The following ME3 variants were observed in gnomAD, a reference collection of about 807,000 sequenced individuals.
The protein encoded by ME3 is NADP-dependent malic enzyme, mitochondrial.
Under a neutral mutation model 68.9 loss-of-function variants are expected in ME3, and 48 were observed. The ratio of observed to expected loss-of-function variants is 0.70; its 90% CI spans 0.55 to 0.89. The LOEUF (loss-of-function observed/expected upper bound fraction) is 0.89. Ranked by LOEUF, ME3 falls within the 40% of genes least tolerant of loss-of-function variation. The pLI is 0.00. For synonymous variants in ME3, 320 were observed against 318.8 expected, an observed-to-expected ratio of 1.00 and a Z score of -0.04; for missense variants, 675 against 797.4, an observed-to-expected ratio of 0.85 and a Z score of 1.85.
chr11:86,469,306 A>C (rs929908764), intron 7 of ME3, among the ~76,000 whole-genome samples: 1 of 152,232 alleles, frequency 6.6e-6, no homozygotes. Flanking sequence ...CTACAAGTCC[A>C]GAGCAGGGAG....
intron 2 of ME3, among the ~76,000 whole-genome samples, chr11:86,635,502 C>T (rs974109532): frequency 6.6e-6 from 1 of 152,210 alleles, no homozygotes; most frequent in Middle Eastern, 3.2e-3. Flanking sequence ...GTATTGGAAA[C>T]TAACTTACTC....
At chr11:86,602,191 A>T (rs1395772846) in intron 2 of ME3, among the ~76,000 whole-genome samples, 1 of 150,434 alleles carries the variant, frequency 6.6e-6, no homozygotes, top group Non-Finnish European at 1.5e-5. Context: ...ACATGATTGT[A>T]TATCTAGAAA....
intron 6 of ME3, among the ~76,000 whole-genome samples, chr11:86,490,304 C>G (rs1487829963): frequency 6.6e-6 from 1 of 152,166 alleles, no homozygotes; most frequent in Non-Finnish European, 1.5e-5. Context: ...CTCTCTCACT[C>G]TCCTAATCCC....
chr11:86,476,649 C>T (rs747778135), intron 7 of ME3, among the ~76,000 whole-genome samples: 45 of 152,262 alleles, frequency 3.0e-4, no homozygotes, highest in South Asian at 1.0e-3. Flanking sequence ...CAGGAACACA[C>T]GGACCATACT....
At chr11:86,664,858 T>C (rs575031734) in intron 2 of ME3, among the ~76,000 whole-genome samples, 1 of 152,340 alleles carries the variant, frequency 6.6e-6, no homozygotes, top group African/African-American at 2.4e-5. Flanking sequence ...TTCCCTGGGC[T>C]CTGCTTAAAG....
intron 2 of ME3, among the ~76,000 whole-genome samples, chr11:86,640,842 T>C (rs1258778138): frequency 6.6e-6 from 1 of 152,140 alleles, no homozygotes; most frequent in Non-Finnish European, 1.5e-5. Context: ...TGTTTCCCCA[T>C]TGATATACAC....
chr11:86,465,794 AGTT>A (rs374486660), intron 7 of ME3, among the ~76,000 whole-genome samples: 111 of 152,308 alleles, frequency 7.3e-4, no homozygotes, highest in Non-Finnish European at 1.2e-3. Flanking sequence ...ATCTTGGTGA[AGTT>A]GTTCTCCAAC....
intron 4 of ME3, among the ~76,000 whole-genome samples, chr11:86,555,119 G>A (rs764627612): frequency 1.7e-4 from 26 of 152,134 alleles, no homozygotes; most frequent in Admixed American, 5.9e-4. Context: ...AGGACCATAC[G>A]TGCCAAGGCA....
intron 4 of ME3, among the ~76,000 whole-genome samples, chr11:86,513,393 G>C (rs1953675207): frequency 6.6e-6 from 1 of 152,152 alleles, no homozygotes; most frequent in South Asian, 2.1e-4. Context: ...GATTTTGAAA[G>C]GATTGCCCTG....
intron 8 of ME3, among the ~76,000 whole-genome samples, chr11:86,458,878 G>A (rs1309108130): frequency 6.6e-6 from 1 of 152,154 alleles, no homozygotes; most frequent in Non-Finnish European, 1.5e-5. Context: ...CCCTATTGTG[G>A]CATCTGAAGC....
intron 2 of ME3, among the ~76,000 whole-genome samples, chr11:86,582,857 T>G (rs542110527): frequency 1.1e-4 from 16 of 151,268 alleles, no homozygotes; most frequent in Admixed American, 4.6e-4. Flanking sequence ...GAGGCCCAGT[T>G]GTTTCCACCG....
chr11:86,610,536 G>T (rs959799336), intron 2 of ME3, among the ~76,000 whole-genome samples: 2 of 152,174 alleles, frequency 1.3e-5, no homozygotes, highest in African/African-American at 4.8e-5. Context: ...TGCAGCAGCA[G>T]GAGATTCCAC....
At chr11:86,588,465 T>C (rs903582472) in intron 2 of ME3, among the ~76,000 whole-genome samples, 4 of 152,210 alleles carry the variant, frequency 2.6e-5, no homozygotes, top group African/African-American at 7.2e-5. Context: ...GGGGAAACTA[T>C]GGCAAGGTGA....
At chr11:86,623,146 C>T (rs1459405679) in intron 2 of ME3, among the ~76,000 whole-genome samples, 1 of 152,142 alleles carries the variant, frequency 6.6e-6, no homozygotes, top group African/African-American at 2.4e-5. Context: ...TAGAATGAGT[C>T]AAGAAGATCT....
intron 2 of ME3, among the ~76,000 whole-genome samples, chr11:86,605,755 C>T (rs1163428864): frequency 3.3e-5 from 5 of 152,124 alleles, no homozygotes; most frequent in Admixed American, 3.3e-4. Flanking sequence ...ACCCATTTTA[C>T]AGATGGAATG....
chr11:86,651,693 C>G (rs532299015), intron 2 of ME3, among the ~76,000 whole-genome samples: 4 of 152,166 alleles, frequency 2.6e-5, no homozygotes, highest in Non-Finnish European at 5.9e-5. Context: ...AGCACCTCTG[C>G]CCCTTCAAAG....
chr11:86,540,994 T>G (rs1956010671), intron 4 of ME3, among the ~76,000 whole-genome samples: 1 of 152,024 alleles, frequency 6.6e-6, no homozygotes, highest in African/African-American at 2.4e-5. Context: ...GAGAGCAAGG[T>G]GAAGCAGGGT....
chr11:86,583,399 C>T (rs556044913), intron 2 of ME3, among the ~76,000 whole-genome samples: 15 of 152,220 alleles, frequency 9.9e-5, no homozygotes, highest in South Asian at 6.2e-4. Context: ...GTCATTCAAA[C>T]GAAAATGGTT....
chr11:86,512,647 G>GC (rs1953624565), intron 4 of ME3, among the ~76,000 whole-genome samples: 1 of 152,202 alleles, frequency 6.6e-6, no homozygotes, highest in South Asian at 2.1e-4. Flanking sequence ...GTTGCCTGTG[G>GC]CTTAGAGCAG....
Sources: gnomAD v4.1 joint callset for allele counts (sites outside exome capture counted in the v4.1 genomes callset) on GRCh38, gnomAD v4.1.1 for gene constraint, MANE v1.5 for transcripts, NCBI Gene and HGNC (gene_info 2026-07-23, HGNC 2026-07-21) for gene names.